The following CFDP1 variants were observed in gnomAD, a reference collection of about 807,000 sequenced individuals.
The protein encoded by CFDP1 is heterochromatin-stabilizing protein CFDP1.
A neutral mutation model predicts 40.1 loss-of-function variants in CFDP1; 31 were observed. That is an observed-to-expected ratio of 0.77 (90% CI 0.58 to 1.04). The LOEUF (loss-of-function observed/expected upper bound fraction) is 1.04. CFDP1 is among the 50% of genes least tolerant of loss of function. CFDP1 has a pLI of 0.00. For missense variants in CFDP1, 423 were observed against 343.4 expected (o/e 1.23, Z -1.83); for synonymous variants, 167 against 120.0 (o/e 1.39, Z -2.56).
At chr16:75,384,540 C>T (rs2078876987) in intron 5 of CFDP1, among the ~76,000 whole-genome samples, 1 of 152,160 alleles carries the variant, frequency 6.6e-6, no homozygotes. Context: ...GCCTATTTAG[C>T]AGCAGCTATT....
chr16:75,316,647 G>A (rs2078324790), intron 5 of CFDP1, among the ~76,000 whole-genome samples: 1 of 150,128 alleles, frequency 6.7e-6, no homozygotes, highest in Non-Finnish European at 1.5e-5. Flanking sequence ...CCAAAGGAGA[G>A]TAAAGCTCTA....
intron 5 of CFDP1, among the ~76,000 whole-genome samples, chr16:75,342,331 C>G (rs1219233497): frequency 1.3e-5 from 2 of 152,216 alleles, no homozygotes; most frequent in Non-Finnish European, 2.9e-5. Flanking sequence ...CCTGTCTGCA[C>G]TAGTATCCTT....
intron 4 of CFDP1, among the ~76,000 whole-genome samples, chr16:75,411,148 G>A (rs1437646458): frequency 6.6e-6 from 1 of 151,998 alleles, no homozygotes; most frequent in Non-Finnish European, 1.5e-5. Flanking sequence ...AACCTGGGAG[G>A]TGGAGGTCGC....
intron 5 of CFDP1, among the ~76,000 whole-genome samples, chr16:75,348,259 T>C (rs942191330): frequency 3.9e-5 from 6 of 152,174 alleles, no homozygotes; most frequent in Non-Finnish European, 7.3e-5. Flanking sequence ...GTCTCCAAAA[T>C]AGTTGGGACT....
intron 5 of CFDP1, among the ~76,000 whole-genome samples, chr16:75,359,045 T>A (rs990326441): frequency 1.4e-4 from 21 of 152,242 alleles, no homozygotes; most frequent in Non-Finnish European, 1.5e-5. Flanking sequence ...TACTCCTTCC[T>A]TTTCCAACTA....
intron 5 of CFDP1, among the ~76,000 whole-genome samples, chr16:75,306,780 G>C (rs142246161): frequency 6.6e-6 from 1 of 152,214 alleles, no homozygotes; most frequent in East Asian, 1.9e-4. Flanking sequence ...GTTTGCTTAA[G>C]AGAACTCCAA....
chr16:75,391,090 T>C (rs1196540772), intron 5 of CFDP1, among the ~76,000 whole-genome samples: 2 of 152,250 alleles, frequency 1.3e-5, no homozygotes, highest in African/African-American at 2.4e-5. Flanking sequence ...TGACTTAAGC[T>C]GATTTTAAGC....
rs778504803 is a variant in CFDP1 at position 75,395,132 on chromosome 16, G to A, written c.608C>T (p.Ala203Val). ...TGATGGCAGAGCTGAAGGAACATTA[G>A]CCTGTGGTTTTTCTTTCTCATTCTG... is the stretch of plus-strand genomic sequence containing the variant. ...FKQNEKEKPQ[A>V]NVPSALPSLP... The change falls in exon 5 of 7, where the codon GCT becomes GTT. Residue 203 changes from alanine (A) to valine (V), a missense_variant. Physicochemically the swap from Ala to Val is moderately conservative, Grantham distance 64. Coordinates refer to ENST00000283882, the MANE Select transcript of CFDP1 (RefSeq NM_006324.3). 19 of 1,613,836 alleles carry A rather than the reference G, an allele frequency of 1.2e-5. No homozygotes were observed. In the African/African-American group the frequency reaches 2.0e-4, roughly 17 times the overall value.
In CFDP1 at chr16:75,349,690, A is replaced by AATATATATATATATAT; in HGVS notation, c.651-44509_651-44508insATATATATATATATAT. On this transcript the variant is annotated intron_variant, in intron 5 of 6. Transcript: ENST00000283882. ...AAAAAAAAAAAAAAAAAAAAAAAAA[A>AATATATATATATATAT]ATATATATACATACATATATACGGT... Among the ~76,000 whole-genome samples the AATATATATATATATAT allele has an allele frequency of 2.1e-3, 27 of 13,076 alleles. 5 individuals are homozygous for AATATATATATATATAT. The East Asian group carries it at 0.022, about 11-fold the overall frequency. The allele number at this position is 13,076 out of a possible 152,430, so 8.6% of individuals were successfully genotyped here. A position where few individuals can be genotyped will look rare whatever the true frequency, so the allele number is the denominator to read the frequency against.
At chr16:75,311,939 T>C (rs779257258) in intron 5 of CFDP1, among the ~76,000 whole-genome samples, 3 of 152,122 alleles carry the variant, frequency 2.0e-5, no homozygotes, top group Non-Finnish European at 2.9e-5. Flanking sequence ...ACTATTAATA[T>C]TGTCCAGAGC....
intron 5 of CFDP1, among the ~76,000 whole-genome samples, chr16:75,394,328 A>G (rs1253587690): frequency 6.6e-6 from 1 of 152,260 alleles, no homozygotes; most frequent in African/African-American, 2.4e-5. Flanking sequence ...TACTTCTTCC[A>G]AAAAGAAAGA....
chr16:75,423,603 C>T (rs1432220966), intron 1 of CFDP1, among the ~76,000 whole-genome samples: 1 of 152,090 alleles, frequency 6.6e-6, no homozygotes, highest in African/African-American at 2.4e-5. Flanking sequence ...CAACCTCCGC[C>T]TCTTGGGTTC....
At chr16:75,297,001 C>CT (rs145872926) in intron 6 of CFDP1, among the ~76,000 whole-genome samples, 1 of 152,074 alleles carries the variant, frequency 6.6e-6, no homozygotes, top group Non-Finnish European at 1.5e-5. Context: ...TTTTCTGTGC[C>CT]TTTTTTTCCT....
rs1015815464 is a variant in CFDP1 at position 75,412,618 on chromosome 16, T to G, written c.319A>C (p.Lys107Gln). The change falls in exon 3 of 7, where the codon AAA (lysine) becomes CAA (glutamine). Residue 107 changes from lysine (K) to glutamine (Q), a missense_variant. Coordinates refer to ENST00000283882, the MANE Select transcript of CFDP1 (RefSeq NM_006324.3). Reference sequence around the variant, plus strand: ...GCCCAGAGTTCGTCCTCCTTCTTTTTCCTGGCATCCTCTGATCCAATGCCT... The same window carrying G: ...GCCCAGAGTTCGTCCTCCTTCTTTTGCCTGGCATCCTCTGATCCAATGCCT... ...EKGIGSEDAR[K>Q]KKEDELWASF... The G allele has an allele frequency of 3.7e-6, 6 of 1,614,040 alleles. No individual in the cohort carries two copies. The highest frequency in any genetic ancestry group is 1.3e-5 in the African/African-American group (1 of 74,920).
intron 5 of CFDP1, among the ~76,000 whole-genome samples, chr16:75,347,297 T>G (rs2078574010): frequency 8.2e-6 from 1 of 122,172 alleles, no homozygotes; most frequent in South Asian, 2.6e-4. Context: ...TGAGCCGAGA[T>G]CGGACCATTG....
In CFDP1 at chr16:75,309,769, A is replaced by G. The variant is rs540050316; in HGVS notation, c.651-4587T>C. On this transcript the variant is annotated intron_variant, in intron 5 of 6. Coordinates refer to ENST00000283882, the MANE Select transcript of CFDP1 (RefSeq NM_006324.3). ...CAGGAGGCGGAGCTTGCAGTGAGCC[A>G]AGATCATGCCACTGCACTCCAGCCT... Among the ~76,000 whole-genome samples, 74 of 146,660 alleles carry G rather than the reference A, an allele frequency of 5.0e-4. 1 individual carries two copies. Among genetic ancestry groups the G allele is most frequent in the African/African-American group, 1.9e-3 (74 of 39,548 alleles).
intron 5 of CFDP1, among the ~76,000 whole-genome samples, chr16:75,325,807 T>C (rs1597332463): frequency 6.6e-6 from 1 of 152,198 alleles, no homozygotes; most frequent in Admixed American, 6.5e-5. Context: ...AACCTCTTAG[T>C]TGCTACTCAA....
At chr16:75,340,727 T>C (rs1216005716) in intron 5 of CFDP1, among the ~76,000 whole-genome samples, 2 of 152,216 alleles carry the variant, frequency 1.3e-5, no homozygotes, top group Non-Finnish European at 2.9e-5. Flanking sequence ...CACAGATTCT[T>C]TTCTGTCTTC....
intron 1 of CFDP1, among the ~76,000 whole-genome samples, chr16:75,427,007 A>G (rs2079349774): frequency 1.3e-5 from 2 of 151,140 alleles, no homozygotes; most frequent in Non-Finnish European, 2.9e-5. Context: ...GTGAGCCAAG[A>G]TTATGCCACT....
Sources: allele counts gnomAD v4.1 joint callset (sites outside exome capture counted in the v4.1 genomes callset), GRCh38; gene constraint gnomAD v4.1.1; transcripts MANE v1.5; gene names NCBI Gene and HGNC (gene_info 2026-07-23, HGNC 2026-07-21).